The following NMNAT2 variants were observed in gnomAD, a reference collection of about 807,000 sequenced individuals.
The protein encoded by NMNAT2 is nicotinamide nucleotide adenylyltransferase 2.
NMNAT2 carries 11 observed loss-of-function variants against 41.6 expected under a neutral mutation model. The ratio of observed to expected loss-of-function variants is 0.26; its 90% CI spans 0.17 to 0.44. The LOEUF (loss-of-function observed/expected upper bound fraction) is 0.44. NMNAT2 is among the 20% of genes least tolerant of loss of function. The probability of loss-of-function intolerance (pLI) is 1.00; values close to 1 mark genes in which losing one functional copy is unlikely to be tolerated. For synonymous variants in NMNAT2, 148 were observed against 151.2 expected, an observed-to-expected ratio of 0.98 and a Z score of 0.16; for missense variants, 288 against 407.7, an observed-to-expected ratio of 0.71 and a Z score of 2.53.
chr1:183,336,759 A>C (rs1360863685), intron 1 of NMNAT2, among the ~76,000 whole-genome samples: 4 of 152,244 alleles, frequency 2.6e-5, no homozygotes, highest in Non-Finnish European at 1.5e-5. Flanking sequence ...TTACACAAGA[A>C]TGTTTCTAGC....
At position 183,356,452 on chromosome 1, in the gene NMNAT2, C is replaced by T. The variant is rs139702924; in HGVS notation, c.85+61731G>A. On this transcript the variant is annotated intron_variant, in intron 1 of 10. Coordinates refer to ENST00000287713, the MANE Select transcript of NMNAT2 (RefSeq NM_015039.4). ...AATGACCCAGCGTACCTGGGCACCA[C>T]CCAGCCAGGTGGGTAGTTTGCATAT... Among the ~76,000 whole-genome samples, 275 of 152,314 alleles carry T rather than the reference C, an allele frequency of 1.8e-3. 1 individual carries two copies. The highest frequency in any genetic ancestry group is 5.7e-3 in the African/African-American group (238 of 41,572).
chr1:183,364,540 T>C (rs1357960484), intron 1 of NMNAT2, among the ~76,000 whole-genome samples: 1 of 152,216 alleles, frequency 6.6e-6, no homozygotes, highest in Non-Finnish European at 1.5e-5. Flanking sequence ...TAAATGGTTG[T>C]TCTAAATAGA....
At chr1:183,305,005 G>C (rs1661963704) in intron 1 of NMNAT2, 1 of 498,140 alleles carries the variant, frequency 2.0e-6, no homozygotes, top group African/African-American at 2.0e-5. Context: ...TGTGGCCTCT[G>C]TTCAAATCCT....
chr1:183,253,887 G>A (rs924124897), intron 10 of NMNAT2, among the ~76,000 whole-genome samples: 4 of 150,618 alleles, frequency 2.7e-5, no homozygotes, highest in African/African-American at 4.9e-5. Context: ...TTTTTAAGTC[G>A]AATAATGTTC....
chr1:183,256,334 A>G (rs1660515304), intron 10 of NMNAT2, among the ~76,000 whole-genome samples: 1 of 152,102 alleles, frequency 6.6e-6, no homozygotes, highest in Non-Finnish European at 1.5e-5. Context: ...ACGTGAACCC[A>G]GGAGGCGGAG....
intron 1 of NMNAT2, among the ~76,000 whole-genome samples, chr1:183,316,448 C>T (rs1210201649): frequency 6.6e-6 from 1 of 152,206 alleles, no homozygotes. Context: ...CTCACCTCCC[C>T]ATACACATTC....
chr1:183,383,647 C>T (rs556187612), intron 1 of NMNAT2, among the ~76,000 whole-genome samples: 6 of 152,318 alleles, frequency 3.9e-5, no homozygotes, highest in African/African-American at 1.2e-4. Flanking sequence ...TAAATCATCA[C>T]TCTCAAGTTC....
chr1:183,316,677 G>T (rs1368793176), intron 1 of NMNAT2, among the ~76,000 whole-genome samples: 2 of 152,176 alleles, frequency 1.3e-5, no homozygotes, highest in African/African-American at 2.4e-5. Context: ...CATCCAGCTT[G>T]CTGCCTTCCT....
At chr1:183,377,870 A>G (rs1663713829) in intron 1 of NMNAT2, among the ~76,000 whole-genome samples, 1 of 152,226 alleles carries the variant, frequency 6.6e-6, no homozygotes, top group Non-Finnish European at 1.5e-5. Context: ...AAAAAAGCAA[A>G]CAAGGATCAG....
chr1:183,375,895 TG>T (rs1157308781), intron 1 of NMNAT2, among the ~76,000 whole-genome samples: 1 of 152,246 alleles, frequency 6.6e-6, no homozygotes, highest in African/African-American at 2.4e-5. Flanking sequence ...TAGAACAACC[TG>T]TGCTGTGTAG....
intron 1 of NMNAT2, among the ~76,000 whole-genome samples, chr1:183,308,115 A>G (rs902000048): frequency 6.6e-6 from 1 of 152,126 alleles, no homozygotes; most frequent in African/African-American, 2.4e-5. Flanking sequence ...CCCTCCTTGG[A>G]AAAGTTTCAT....
At chr1:183,307,012 G>A (rs1662008433) in intron 1 of NMNAT2, among the ~76,000 whole-genome samples, 1 of 152,106 alleles carries the variant, frequency 6.6e-6, no homozygotes, top group African/African-American at 2.4e-5. Flanking sequence ...CCACTCCTTG[G>A]GGAGGAAAGT....
intron 2 of NMNAT2, 97 bp from the exon 3 acceptor site, chr1:183,292,954 AT>A (rs1224036603): frequency 9.9e-6 from 11 of 1,111,858 alleles, no homozygotes; most frequent in Non-Finnish European, 1.4e-5. Flanking sequence ...AAGTGCAGCC[AT>A]TTTTCAGTGG....
At chr1:183,323,510 T>G (rs1350767155) in intron 1 of NMNAT2, among the ~76,000 whole-genome samples, 1 of 152,226 alleles carries the variant, frequency 6.6e-6, no homozygotes, top group Non-Finnish European at 1.5e-5. Context: ...AGTGAGCACA[T>G]GTAAACACAT....
Position 183,293,760 on chromosome 1 carries a change from C to G in NMNAT2, c.119G>C (p.Arg40Thr). ...RARDYLHKTG[R>T]FIVIGGIVSP... ...GACAATCCCGCCAATCACAATAAAC[C>G]TTCCAGTTTTGTGCAGATAATCCCT... Residue 40 changes from arginine to threonine, a missense_variant, in exon 2 of 11, where the codon AGG becomes ACG. By Grantham distance (71) the Arg-to-Thr change is moderately conservative. Coordinates refer to ENST00000287713, the MANE Select transcript of NMNAT2 (RefSeq NM_015039.4). 6.2e-7 allele frequency: 1 copy of G among 1,614,122 alleles called. No homozygotes were observed. The highest frequency in any genetic ancestry group is 8.5e-7 in the Non-Finnish European group (1 of 1,179,984).
intron 1 of NMNAT2, among the ~76,000 whole-genome samples, chr1:183,353,789 G>A (rs1363025245): frequency 6.6e-6 from 1 of 152,096 alleles, no homozygotes; most frequent in Non-Finnish European, 1.5e-5. Context: ...TTGACTTACT[G>A]GTATTCAGAC....
chr1:183,293,381 T>C (rs1661593896), intron 2 of NMNAT2, among the ~76,000 whole-genome samples: 1 of 152,244 alleles, frequency 6.6e-6, no homozygotes, highest in Non-Finnish European at 1.5e-5. Flanking sequence ...GCTCAACCCA[T>C]AACCAGCTGC....
In NMNAT2 at chr1:183,362,690, T is replaced by C. The variant is rs141503467; in HGVS notation, c.85+55493A>G. On this transcript the variant is annotated intron_variant, in intron 1 of 10. Coordinates refer to ENST00000287713, the MANE Select transcript of NMNAT2 (RefSeq NM_015039.4). Reference sequence around the variant, plus strand: ...GTTGATGGGTATTTGGGTTGTTTTTTTCCTTTTATCTATTATGAATAATGC... The same window carrying C: ...GTTGATGGGTATTTGGGTTGTTTTTCTCCTTTTATCTATTATGAATAATGC... 2.2e-3 allele frequency among the ~76,000 whole-genome samples: 339 copies of C among 152,352 alleles called. 1 individual carries two copies. The highest frequency in any genetic ancestry group is 7.9e-3 in the African/African-American group (329 of 41,592).
chr1:183,414,641 T>A (rs1024249214), intron 1 of NMNAT2, among the ~76,000 whole-genome samples: 2 of 152,264 alleles, frequency 1.3e-5, no homozygotes, highest in Non-Finnish European at 2.9e-5. Flanking sequence ...CAGTTGAGTA[T>A]ACAAGTGTCA....
Sources: allele counts gnomAD v4.1 joint callset (sites outside exome capture counted in the v4.1 genomes callset), GRCh38; gene constraint gnomAD v4.1.1; transcripts MANE v1.5; gene names NCBI Gene and HGNC (gene_info 2026-07-23, HGNC 2026-07-21).